Variants in CANX observed in about 807,000 individuals in gnomAD.
The protein encoded by CANX is epididymis secretory sperm binding protein.
In CANX, 14 loss-of-function variants were observed where a neutral mutation model predicts 75.7. That is an observed-to-expected ratio of 0.19 (90% CI 0.12 to 0.29). The LOEUF (loss-of-function observed/expected upper bound fraction) is 0.29, where lower values mean the gene tolerates loss of function less well. Ranked by LOEUF, CANX falls within the 10% of genes least tolerant of loss-of-function variation. The pLI is 1.00. For missense variants in CANX, 567 were observed against 713.2 expected (o/e 0.79, Z 2.34); for synonymous variants, 227 against 236.9 (o/e 0.96, Z 0.38).
chr5:179,681,809 G>A (rs547457075), intron 1 of CANX, among the ~76,000 whole-genome samples: 73 of 152,198 alleles, frequency 4.8e-4, no homozygotes, highest in African/African-American at 1.3e-3. Flanking sequence ...TTAGCTGGGC[G>A]TGGTGGCATG....
At chr5:179,693,155 A>AC (rs1391880701) in intron 1 of CANX, among the ~76,000 whole-genome samples, 1 of 151,418 alleles carries the variant, frequency 6.6e-6, no homozygotes, top group Admixed American at 6.6e-5. Context: ...CAAAAAAAAA[A>AC]AAAAAAAAGA....
chr5:179,690,617 C>A (rs1453582147), intron 1 of CANX, among the ~76,000 whole-genome samples: 2 of 149,890 alleles, frequency 1.3e-5, no homozygotes, highest in East Asian at 4.0e-4. Flanking sequence ...AAAGGCTGGG[C>A]CCAGTGGCTC....
rs576355655 is a variant in CANX at position 179,731,214 on chromosome 5, G to A, written c.*2570G>A. On this transcript the variant is annotated 3_prime_UTR_variant, in exon 15 of 15. Transcript: ENST00000247461. ...GAGGGAATGCTACTGATAATTTGTAGATAATATTCTTTAAGACTTAGGGGA... is the reference window on the plus strand; with the variant it reads ...GAGGGAATGCTACTGATAATTTGTAAATAATATTCTTTAAGACTTAGGGGA... Among the ~76,000 whole-genome samples, 2 of 152,246 alleles carry A rather than the reference G, an allele frequency of 1.3e-5. No individual in the cohort carries two copies. The highest frequency in any genetic ancestry group is 3.9e-4 in the East Asian group (2 of 5,190).
intron 1 of CANX, among the ~76,000 whole-genome samples, chr5:179,691,707 T>C (rs529747805): frequency 1.3e-5 from 2 of 152,280 alleles, no homozygotes; most frequent in South Asian, 2.1e-4. Flanking sequence ...CTTGGGCTCT[T>C]TGACATCCCT....
intron 13 of CANX, among the ~76,000 whole-genome samples, chr5:179,725,368 A>C (rs1336519113): frequency 6.6e-6 from 1 of 151,654 alleles, no homozygotes; most frequent in Non-Finnish European, 1.5e-5. Flanking sequence ...CACCAGACCC[A>C]GCGAGATCCT....
At chr5:179,710,253 C>T (rs537192767) in intron 7 of CANX, among the ~76,000 whole-genome samples, 188 bp downstream of exon 7, 3 of 151,324 alleles carry the variant, frequency 2.0e-5, no homozygotes, top group East Asian at 3.9e-4. Context: ...TGAAACTTCA[C>T]CTCTACTAAA....
At chr5:179,715,453 G>C (rs1356526928) in intron 7 of CANX, among the ~76,000 whole-genome samples, 1 of 152,114 alleles carries the variant, frequency 6.6e-6, no homozygotes, top group African/African-American at 2.4e-5. Flanking sequence ...CAGGAGAATC[G>C]CTTGAACCTG....
At chr5:179,718,459 G>A (rs1327998578) in intron 8 of CANX, among the ~76,000 whole-genome samples, 2 of 152,154 alleles carry the variant, frequency 1.3e-5, no homozygotes, top group Non-Finnish European at 2.9e-5. Context: ...CTGATGTCAA[G>A]TGATCTACCA....
intron 7 of CANX, among the ~76,000 whole-genome samples, chr5:179,712,917 T>A (rs7444571): frequency 0.5 from 71,255 of 143,380 alleles, 18,547 homozygotes; most frequent in South Asian, 0.69. Context: ...TATTATTATT[T>A]TTTTTTTTTT....
At chr5:179,710,882 G>A (rs1439833297) in intron 7 of CANX, among the ~76,000 whole-genome samples, 4 of 150,634 alleles carry the variant, frequency 2.7e-5, no homozygotes, top group Non-Finnish European at 3.0e-5. Flanking sequence ...GTAAAACCCC[G>A]TCTCTACTAA....
chr5:179,691,517 G>A (rs1445071686), intron 1 of CANX, among the ~76,000 whole-genome samples: 1 of 151,892 alleles, frequency 6.6e-6, no homozygotes, highest in East Asian at 1.9e-4. Flanking sequence ...AGACCAGCTT[G>A]GGCAACACAG....
rs746172220 is a variant in CANX at position 179,678,787 on chromosome 5, C to G, written c.-4+10C>G. 12 of 1,537,066 alleles carry G rather than the reference C, an allele frequency of 7.8e-6. 1 individual carries two copies. The South Asian group carries it at 1.4e-4, about 18-fold the overall frequency. On this transcript the variant is annotated intron_variant, in intron 1 of 14. Coordinates refer to the CANX transcript ENST00000681674. Reference sequence around the variant, plus strand: ...CCTGCTGCAGCTTCAGGTAGTTGTTCTCCTCCAGCAACACTTGGCTTTTGG... The same window carrying G: ...CCTGCTGCAGCTTCAGGTAGTTGTTGTCCTCCAGCAACACTTGGCTTTTGG...
At chr5:179,707,663 T>TAA (rs369386134) in intron 4 of CANX, among the ~76,000 whole-genome samples, 1 of 127,414 alleles carries the variant, frequency 7.8e-6, no homozygotes, top group Admixed American at 9.0e-5. Context: ...TTTTTTTTTT[T>TAA]TTTTATTTAA....
intron 1 of CANX, among the ~76,000 whole-genome samples, chr5:179,684,134 G>T (rs1473600505): frequency 6.6e-6 from 1 of 152,138 alleles, no homozygotes. Flanking sequence ...TATGGCAGGT[G>T]CATGTTTACC....
At chr5:179,685,185 G>A (rs1433403505) in intron 1 of CANX, among the ~76,000 whole-genome samples, 1 of 151,560 alleles carries the variant, frequency 6.6e-6, no homozygotes. Flanking sequence ...TGCAACCTCC[G>A]CCTCCTGGGT....
At position 179,710,725 on chromosome 5, in the gene CANX, A is replaced by G. The variant is rs1581863185; in HGVS notation, c.721+660A>G. Among the ~76,000 whole-genome samples, 3 of 142,564 alleles carry G rather than the reference A, an allele frequency of 2.1e-5. 1 individual carries two copies. The highest frequency in any genetic ancestry group is 7.6e-5 in the African/African-American group (3 of 39,312). 93.5% of individuals were successfully genotyped at this position (142,564 alleles called of 152,430 possible). On this transcript the variant is annotated intron_variant, in intron 7 of 14. Transcript: ENST00000247461. ...TCCATCTCAAAAAAAAAAAAAAAAG[A>G]TTGTATATCTGGAGAGTACCCCAGC... is the stretch of plus-strand genomic sequence containing the variant.
chr5:179,680,040 G>A (rs191915365), intron 1 of CANX, among the ~76,000 whole-genome samples: 49 of 140,928 alleles, frequency 3.5e-4, no homozygotes, highest in African/African-American at 1.0e-3. Flanking sequence ...CTCGAACTCC[G>A]GACCTCAGGT....
rs35948508 is a variant in CANX at position 179,688,361 on chromosome 5, A to ATTT, written c.-4+9602_-4+9604dup. Among the ~76,000 whole-genome samples, 81 of 95,630 alleles carry ATTT rather than the reference A, an allele frequency of 8.5e-4. 5 individuals carry two copies. Among genetic ancestry groups the ATTT allele is most frequent in the African/African-American group, 1.4e-3 (32 of 22,558 alleles). 62.7% of individuals were successfully genotyped at this position (95,630 alleles called of 152,430 possible). A position where few individuals can be genotyped will look rare whatever the true frequency, so the allele number is the denominator to read the frequency against. On this transcript the variant is annotated intron_variant, in intron 1 of 14. Transcript: ENST00000681674. ...AGCGACGGTGCCTGGCCTAAGGTCA[A>ATTT]TTTTTTTTTTTTTTTTTTTTGAGAC...
upstream of CANX, chr5:179,698,682 C>A: frequency 9.6e-7 from 1 of 1,043,086 alleles, no homozygotes; most frequent in Non-Finnish European, 1.3e-6. Flanking sequence ...TTAAACCAGC[C>A]CCGCCCCGAG....
Sources: gnomAD v4.1 joint callset for allele counts (sites outside exome capture counted in the v4.1 genomes callset) on GRCh38, gnomAD v4.1.1 for gene constraint, MANE v1.5 for transcripts, NCBI Gene and HGNC (gene_info 2026-07-23, HGNC 2026-07-21) for gene names.